SLC37A2: variants seen among roughly 807,000 people sequenced by gnomAD.
The protein encoded by SLC37A2 is solute carrier family 37 member 2, also known as glucose-6-phosphate exchanger SLC37A2.
Under a neutral mutation model 70.7 loss-of-function variants are expected in SLC37A2, and 59 were observed. The ratio of observed to expected loss-of-function variants is 0.83; its 90% confidence interval spans 0.68 to 1.04. The LOEUF (loss-of-function observed/expected upper bound fraction) is 1.04, where lower values mean the gene tolerates loss of function less well. Among genes scored for constraint, SLC37A2 ranks in the 50% least tolerant of loss-of-function variants. The pLI, the probability that SLC37A2 is intolerant of heterozygous loss-of-function variation, is 0.00. For missense variants in SLC37A2, 580 were observed against 658.1 expected (o/e 0.88, Z 1.30); for synonymous variants, 257 against 262.1 (o/e 0.98, Z 0.19).
rs1288831679 is a variant in SLC37A2 at position 125,063,505 on chromosome 11, T to C, written c.59+79T>C. 1 of 1,334,344 alleles carries C rather than the reference T, an allele frequency of 7.5e-7. No homozygotes were observed. The highest frequency in any genetic ancestry group is 1.0e-6 in the Non-Finnish European group (1 of 966,660). The allele number at this position is 1,334,344 out of a possible 1,614,324, so 82.7% of individuals were successfully genotyped here. On this transcript the variant is annotated intron_variant, in intron 1 of 17. Coordinates refer to ENST00000403796, the MANE Select transcript of SLC37A2 (RefSeq NM_001145290.2). This position sits in a 1 kb window ranked among gnomAD's most constrained non-coding sequence, Gnocchi z 5.4. The stretch of plus-strand genomic sequence containing the variant: ...CAGGGGCCGCGGGGGGCCTCGGAGA[T>C]CACCCCAGATCGGCCCCGGCGTCGC...
At chr11:125,070,220 C>A (rs1949017107) in intron 1 of SLC37A2, among the ~76,000 whole-genome samples, 1 of 152,188 alleles carries the variant, frequency 6.6e-6, no homozygotes, top group South Asian at 2.1e-4. Context: ...CCCCTGTGAG[C>A]TGCAAAAGGC....
chr11:125,086,284 G>T, intron 17 of SLC37A2: 1 of 1,566,910 alleles, frequency 6.4e-7, no homozygotes, highest in South Asian at 1.1e-5. Flanking sequence ...TCGAGTCTGT[G>T]ACTCGAGTGC....
In SLC37A2 at chr11:125,082,342, C is replaced by T; in HGVS notation, c.976+8C>T. On this transcript the variant is annotated splice_region_variant and intron_variant, in intron 10 of 17. Transcript: ENST00000403796. ...TCTACATCGCCAATGTGGGTAAGTC[C>T]AAGAGAAGGGGAATGAAGGGGTCTC... 1 of 1,613,338 alleles carries T rather than the reference C, an allele frequency of 6.2e-7. No homozygotes were observed. Among genetic ancestry groups the T allele is most frequent in the Non-Finnish European group, 8.5e-7 (1 of 1,179,416 alleles).
In SLC37A2 at chr11:125,063,354, A is replaced by G. The variant is rs1273207028; in HGVS notation, c.-14A>G. The G allele has an allele frequency of 1.2e-6, 2 of 1,609,282 alleles. No individual in the cohort carries two copies. The highest frequency in any genetic ancestry group is 2.2e-5 in the East Asian group (1 of 44,678). On this transcript the variant is annotated 5_prime_UTR_variant, in exon 1 of 18. Coordinates refer to ENST00000403796, the MANE Select transcript of SLC37A2 (RefSeq NM_001145290.2). This position sits in a 1 kb window ranked among gnomAD's most constrained non-coding sequence, Gnocchi z 5.4. The stretch of plus-strand genomic sequence containing the variant: ...CTCCTCCGTCGACTCAGCCTTAGGT[A>G]CCGGTCAGGCAAAATGCGGTCCTCC...
Position 125,076,767 on chromosome 11 carries a change from C to T in SLC37A2, c.70C>T (p.Leu24Phe), listed in dbSNP as rs1335805421. 6.2e-7 allele frequency: 1 copy of T among 1,614,182 alleles called. No individual in the cohort carries two copies. The highest frequency in any genetic ancestry group is 8.5e-7 in the Non-Finnish European group (1 of 1,180,022). Residue 24 changes from leucine to phenylalanine, a missense_variant, in exon 2 of 18, where the codon CTC becomes TTC. Leu to Phe is a conservative substitution (Grantham distance 22). Coordinates refer to ENST00000403796, the MANE Select transcript of SLC37A2 (RefSeq NM_001145290.2). ...TGTCCCTTCCTGCAGGTTCCGAGGC[C>T]TCATCCTGCTGCTGACCTTCCTAAT... Reference protein sequence around the residue: ...AFSRDSWFRGLILLLTFLIYA... With the variant: ...AFSRDSWFRGFILLLTFLIYA...
intron 17 of SLC37A2, chr11:125,086,399 G>C: frequency 2.6e-6 from 2 of 757,174 alleles, no homozygotes; most frequent in Non-Finnish European, 4.7e-6. Context: ...AACCTCAGCA[G>C]AGCATGGTGC....
chr11:125,073,730 C>A (rs1232837464), intron 1 of SLC37A2, among the ~76,000 whole-genome samples: 1 of 152,246 alleles, frequency 6.6e-6, no homozygotes, highest in South Asian at 2.1e-4. Flanking sequence ...GACATCAACT[C>A]CCTGACATCC....
rs1949097151 is a variant in SLC37A2, at chr11:125,077,228, A to G, written c.142-2A>G. The G allele has an allele frequency of 3.8e-6, 6 of 1,580,354 alleles. No homozygotes were observed. The highest frequency in any genetic ancestry group is 1.4e-5 in the African/African-American group (1 of 73,808). ...GACCTGTATGTCCCATTGCCTATCCAGAGCCGTCTGCACCAGAACTGCTCG... is the reference window on the plus strand; with the variant it reads ...GACCTGTATGTCCCATTGCCTATCCGGAGCCGTCTGCACCAGAACTGCTCG... On this transcript the variant is annotated splice_acceptor_variant, in intron 2 of 17. Transcript: ENST00000403796. LOFTEE classifies it high-confidence loss of function.
chr11:125,065,590 G>A (rs1948972723), intron 1 of SLC37A2, among the ~76,000 whole-genome samples: 1 of 152,148 alleles, frequency 6.6e-6, no homozygotes, highest in African/African-American at 2.4e-5. Context: ...TGGAAACCCA[G>A]TAAGCCCATT....
chr11:125,069,527 T>C (rs983006818), intron 1 of SLC37A2, among the ~76,000 whole-genome samples: 30 of 152,238 alleles, frequency 2.0e-4, no homozygotes, highest in Non-Finnish European at 3.7e-4. Context: ...TAGTTGGTAT[T>C]GGCTAGGTGC....
chr11:125,081,394 T>A, intron 7 of SLC37A2, 27 bp from the exon 8 acceptor site: 1 of 1,599,884 alleles, frequency 6.3e-7, no homozygotes, highest in Non-Finnish European at 8.5e-7. Flanking sequence ...GTTGGGAAAC[T>A]TCTTAGAAAG....
Position 125,063,924 on chromosome 11 carries a change from C to T in SLC37A2, c.59+498C>T, listed in dbSNP as rs772853209. 6.6e-6 allele frequency among the ~76,000 whole-genome samples: 1 copy of T among 152,172 alleles called. No individual in the cohort carries two copies. The highest frequency in any genetic ancestry group is 1.5e-5 in the Non-Finnish European group (1 of 68,034). On this transcript the variant is annotated intron_variant, in intron 1 of 17. Coordinates refer to ENST00000403796, the MANE Select transcript of SLC37A2 (RefSeq NM_001145290.2). This position sits in a 1 kb window ranked among gnomAD's most constrained non-coding sequence, Gnocchi z 5.4. The stretch of plus-strand genomic sequence containing the variant: ...TGGTCCTGGGAGCTCGTCTCGAGGC[C>T]TTTCAGCACCTGGAAAGGGCACAGC...
intron 1 of SLC37A2, among the ~76,000 whole-genome samples, chr11:125,070,321 A>G (rs979964592): frequency 6.6e-6 from 1 of 152,210 alleles, no homozygotes; most frequent in Non-Finnish European, 1.5e-5. Flanking sequence ...AGGAGGACGC[A>G]GGGGAAAGAC....
chr11:125,077,638 C>A, intron 4 of SLC37A2, 110 bp downstream of exon 4: 2 of 784,662 alleles, frequency 2.5e-6, no homozygotes, highest in Non-Finnish European at 2.0e-6. Flanking sequence ...GCTGCATGTA[C>A]AATCCACCCA....
chr11:125,075,370 G>C (rs1949072251), intron 1 of SLC37A2, among the ~76,000 whole-genome samples: 1 of 152,252 alleles, frequency 6.6e-6, no homozygotes, highest in South Asian at 2.1e-4. Flanking sequence ...GCCTATGTCA[G>C]TCACTGTGAC....
At chr11:125,069,578 A>G (rs1263290243) in intron 1 of SLC37A2, among the ~76,000 whole-genome samples, 2 of 152,188 alleles carry the variant, frequency 1.3e-5, no homozygotes, top group Non-Finnish European at 2.9e-5. Context: ...CTCCATTAGG[A>G]GAAGAAGGAA....
intron 1 of SLC37A2, among the ~76,000 whole-genome samples, chr11:125,076,388 TCAAACTCCCTGCCCC>T (rs1433401239): frequency 1.3e-5 from 2 of 151,964 alleles, no homozygotes; most frequent in African/African-American, 4.8e-5. Flanking sequence ...TGAAAACCAC[TCAAACTCCCTGCCCC>T]CACCTCTGCC....
chr11:125,083,470 GAGAAAGGGCTGGGC>G lies in SLC37A2; in HGVS notation c.977-344_977-331del. 3 of 255,708 alleles carry G rather than the reference GAGAAAGGGCTGGGC, an allele frequency of 1.2e-5. No individual in the cohort carries two copies. Among genetic ancestry groups the G allele is most frequent in the Non-Finnish European group, 2.3e-5 (3 of 131,026 alleles). The allele number at this position is 255,708 out of a possible 1,614,324, so 15.8% of individuals were successfully genotyped here. On this transcript the variant is annotated intron_variant, in intron 10 of 17. Coordinates refer to ENST00000403796, the MANE Select transcript of SLC37A2 (RefSeq NM_001145290.2). The surrounding 1 kb of genome is among the most constrained non-coding windows in gnomAD (Gnocchi z 4.6). ...GTGCTGCTAGGGCCGGAGTGAAGCA[GAGAAAGGGCTGGGC>G]TGAGCTTCAGGTTGCGCTCCAGGGG...
Position 125,090,231 on chromosome 11 carries a change from G to T in SLC37A2, c.*2097G>T, listed in dbSNP as rs188022547. ...TTGTGAGTGCACCAATCAACACTCT[G>T]TATCTAGCTGCTCTGGTGGGGCCTT... is the stretch of plus-strand genomic sequence containing the variant. On this transcript the variant is annotated 3_prime_UTR_variant, in exon 18 of 18. Transcript: ENST00000403796. The T allele has an allele frequency of 2.8e-4, 42 of 152,040 alleles. No individual in the cohort carries two copies. Among genetic ancestry groups the T allele is most frequent in the African/African-American group, 9.9e-4 (41 of 41,290 alleles). The allele number at this position is 152,040 out of a possible 1,614,324, so 9.4% of individuals were successfully genotyped here.
Sources: gnomAD v4.1 joint callset for allele counts (sites outside exome capture counted in the v4.1 genomes callset) on GRCh38, gnomAD v4.1.1 for gene constraint, Gnocchi (gnomAD v3.1) non-coding constraint, MANE v1.5 for transcripts, NCBI Gene and HGNC (gene_info 2026-07-23, HGNC 2026-07-21) for gene names.